NRXN3: variants seen among roughly 807,000 people sequenced by gnomAD.
The protein encoded by NRXN3 is neurexin 3, also known as neurexin III.
NRXN3 carries 32 observed loss-of-function variants against 137.6 expected under a neutral mutation model. That is an observed-to-expected ratio of 0.23 (90% CI 0.18 to 0.31). The LOEUF (loss-of-function observed/expected upper bound fraction) is 0.31, where lower values mean the gene tolerates loss of function less well. NRXN3 is among the 10% of genes least tolerant of loss of function. The pLI, the probability that NRXN3 is intolerant of heterozygous loss-of-function variation, is 1.00. For missense variants in NRXN3, 1,574 were observed against 2,062.5 expected, an observed-to-expected ratio of 0.76 and a Z score of 4.59; for synonymous variants, 798 against 784.5, an observed-to-expected ratio of 1.02 and a Z score of -0.29.
chr14:79,140,577 G>C (rs1339926042), intron 15 of NRXN3, among the ~76,000 whole-genome samples: 7 of 142,646 alleles, frequency 4.9e-5, no homozygotes, highest in African/African-American at 1.3e-4. Flanking sequence ...ACCTCACTGT[G>C]TGTGTGTGTG....
At chr14:78,202,687 G>C (rs992193139) in intron 1 of NRXN3, among the ~76,000 whole-genome samples, 3 of 152,210 alleles carry the variant, frequency 2.0e-5, no homozygotes, top group African/African-American at 7.2e-5. Flanking sequence ...CCCTGCGAGG[G>C]AAAACTTGGT....
chr14:79,824,461 T>C (rs1225170456), intron 20 of NRXN3, among the ~76,000 whole-genome samples: 2 of 152,160 alleles, frequency 1.3e-5, no homozygotes, highest in Non-Finnish European at 2.9e-5. Flanking sequence ...GTGAGATCTT[T>C]CAGCAGATGT....
At chr14:78,316,888 A>G (rs1366232363) in intron 4 of NRXN3, among the ~76,000 whole-genome samples, 1 of 152,168 alleles carries the variant, frequency 6.6e-6, no homozygotes, top group Admixed American at 6.5e-5. Context: ...TCCCAGGATG[A>G]TTTGGTTTTT....
At chr14:79,597,951 A>G (rs557526582) in intron 16 of NRXN3, among the ~76,000 whole-genome samples, 1 of 152,336 alleles carries the variant, frequency 6.6e-6, no homozygotes, top group Admixed American at 6.5e-5. Flanking sequence ...GTGAAGGGTT[A>G]AGCATTCCAA....
rs530424820 is a variant in NRXN3 at position 78,242,608 on chromosome 14, T to G, written c.-486T>G. On this transcript the variant is annotated 5_prime_UTR_variant, in exon 2 of 21. Coordinates refer to ENST00000335750, the MANE Select transcript of NRXN3 (RefSeq NM_001330195.2). ...CCTGTCACCTGGCTCACCTCACCAC[T>G]CACTCCTCCTCCATCACAGCACCCC... 1 of 158,432 alleles carries G rather than the reference T, an allele frequency of 6.3e-6. No homozygotes were observed. Among genetic ancestry groups the G allele is most frequent in the African/African-American group, 2.4e-5 (1 of 41,642 alleles). 9.8% of individuals were successfully genotyped at this position (158,432 alleles called of 1,614,324 possible). A position where few individuals can be genotyped will look rare whatever the true frequency, so the allele number is the denominator to read the frequency against.
At chr14:79,692,948 A>ATGTT (rs2154026127) in intron 18 of NRXN3, among the ~76,000 whole-genome samples, 1 of 152,144 alleles carries the variant, frequency 6.6e-6, no homozygotes, top group East Asian at 1.9e-4. Context: ...TGTGTATTTG[A>ATGTT]TGTTTTATGC....
chr14:78,719,128 GAC>G (rs2098447575), intron 8 of NRXN3, among the ~76,000 whole-genome samples: 1 of 152,178 alleles, frequency 6.6e-6, no homozygotes, highest in Non-Finnish European at 1.5e-5. Flanking sequence ...TTAAATTTTA[GAC>G]CATTGCTGAA....
chr14:79,852,696 A>G (rs906040052), intron 20 of NRXN3, among the ~76,000 whole-genome samples: 2 of 152,220 alleles, frequency 1.3e-5, no homozygotes, highest in South Asian at 2.1e-4. Context: ...GGAATTAACC[A>G]GCCAAAAAAG....
At chr14:78,484,284 G>A (rs1414264490) in intron 4 of NRXN3, among the ~76,000 whole-genome samples, 1 of 152,162 alleles carries the variant, frequency 6.6e-6, no homozygotes, top group Non-Finnish European at 1.5e-5. Flanking sequence ...TTCTAGTGGG[G>A]ACGCTTAGGT....
intron 3 of NRXN3, among the ~76,000 whole-genome samples, chr14:78,296,024 A>ATTCTT (rs1303207751): frequency 7.3e-6 from 1 of 137,494 alleles, no homozygotes; most frequent in African/African-American, 2.7e-5. Flanking sequence ...GATCTTCCTT[A>ATTCTT]TTCTTTTCTT....
intron 15 of NRXN3, among the ~76,000 whole-genome samples, chr14:79,355,224 ACTC>A (rs1307169060): frequency 2.0e-5 from 3 of 150,810 alleles, no homozygotes; most frequent in Admixed American, 1.3e-4. Context: ...AAATGCTGCT[ACTC>A]CTCCTATTCC....
intron 20 of NRXN3, among the ~76,000 whole-genome samples, chr14:79,830,109 G>A (rs1224993790): frequency 6.6e-6 from 1 of 152,178 alleles, no homozygotes; most frequent in Non-Finnish European, 1.5e-5. Context: ...CCATATAAAT[G>A]ACTGTCTATT....
At chr14:78,930,874 A>G (rs965149715) in intron 10 of NRXN3, among the ~76,000 whole-genome samples, 7 of 152,306 alleles carry the variant, frequency 4.6e-5, no homozygotes, top group African/African-American at 1.7e-4. Context: ...GTATATAGTC[A>G]CAGAGCTCCA....
chr14:79,228,195 G>T (rs2071429543), intron 15 of NRXN3, among the ~76,000 whole-genome samples: 1 of 152,118 alleles, frequency 6.6e-6, no homozygotes, highest in African/African-American at 2.4e-5. Context: ...GATAGCAAAA[G>T]CTTTCCCTGA....
intron 19 of NRXN3, among the ~76,000 whole-genome samples, chr14:79,785,604 T>G (rs1217373734): frequency 6.6e-6 from 1 of 151,918 alleles, no homozygotes; most frequent in Non-Finnish European, 1.5e-5. Context: ...CAGAGCACAG[T>G]TTTTTTTCTT....
At chr14:78,306,836 A>G (rs1053197634) in intron 4 of NRXN3, among the ~76,000 whole-genome samples, 9 of 152,178 alleles carry the variant, frequency 5.9e-5, no homozygotes, top group Admixed American at 2.0e-4. Context: ...GGTGCTAAGT[A>G]CACAGAAACT....
chr14:78,920,792 T>A (rs774233853), intron 10 of NRXN3, among the ~76,000 whole-genome samples: 8 of 152,182 alleles, frequency 5.3e-5, no homozygotes, highest in Non-Finnish European at 7.3e-5. Context: ...TTATAAAGGA[T>A]TCAACTTAGG....
At chr14:79,688,178 C>T (rs928432707) in intron 17 of NRXN3, among the ~76,000 whole-genome samples, 2 of 152,052 alleles carry the variant, frequency 1.3e-5, no homozygotes, top group Admixed American at 6.6e-5. Flanking sequence ...AGAAAAGAGT[C>T]GAGTCATATT....
intron 16 of NRXN3, among the ~76,000 whole-genome samples, chr14:79,547,608 G>T (rs1241794317): frequency 6.6e-6 from 1 of 152,138 alleles, no homozygotes; most frequent in Non-Finnish European, 1.5e-5. Context: ...AGCAAGCACA[G>T]CAGAGGCCAG....
Sources: allele counts gnomAD v4.1 joint callset (sites outside exome capture counted in the v4.1 genomes callset), GRCh38; gene constraint gnomAD v4.1.1; transcripts MANE v1.5; gene names NCBI Gene and HGNC (gene_info 2026-07-23, HGNC 2026-07-21).